SLC12A3: variants seen among roughly 807,000 people sequenced by gnomAD.
The protein encoded by SLC12A3 is Na-Cl cotransporter.
SLC12A3 carries 104 observed loss-of-function variants against 121.0 expected under a neutral mutation model. That is an observed-to-expected ratio of 0.86 (90% CI 0.73 to 1.01). SLC12A3 has a LOEUF of 1.01. Ranked by LOEUF, SLC12A3 falls within the 50% of genes least tolerant of loss-of-function variation. SLC12A3 has a pLI of 0.00. For missense variants in SLC12A3, 1,328 were observed against 1,356.3 expected, an observed-to-expected ratio of 0.98 and a Z score of 0.33; for synonymous variants, 536 against 533.4, an observed-to-expected ratio of 1.00 and a Z score of -0.07.
chr16:56,870,465 C>T (rs1271189359), intron 5 of SLC12A3, among the ~76,000 whole-genome samples, 161 bp from the exon 6 acceptor site: 2 of 152,258 alleles, frequency 1.3e-5, no homozygotes, highest in Admixed American at 1.3e-4. Context: ...TGTCCAGGCC[C>T]GTGCAGCAGC....
At position 56,899,610 on chromosome 16, in the gene SLC12A3, C is replaced by T; in HGVS notation, c.2714C>T (p.Ala905Val). 1 of 1,612,976 alleles carries T rather than the reference C, an allele frequency of 6.2e-7. No individual in the cohort carries two copies. The highest frequency in any genetic ancestry group is 1.3e-5 in the African/African-American group (1 of 75,032). Residue 905 changes from alanine to valine, a missense_variant, in exon 23 of 26, where the codon GCT (alanine) becomes GTT (valine). By Grantham distance (64) the Ala-to-Val change is moderately conservative. Transcript: ENST00000563236. ...CCTGACATCAACCAGAACCCTCGGG[C>T]TGAGCAGTAAGTTCTGTTTTGGGGC... ...ILPDINQNPR[A>V]EHTKRFEDMI...
At position 56,865,457 on chromosome 16, in the gene SLC12A3, C is replaced by A; in HGVS notation, c.222C>A (p.Thr74=). 3 of 1,614,094 alleles carry A rather than the reference C, an allele frequency of 1.9e-6. No individual in the cohort carries two copies. The highest frequency in any genetic ancestry group is 2.5e-6 in the Non-Finnish European group (3 of 1,180,044). ...VPTYEHYANS[T]QPGEPRKVRP... is the part of the protein sequence containing the mutation. ...CATATGAGCACTATGCCAACAGCAC[C>A]CAGCCTGGTGAGCCCCGGAAGGTCC... The change falls in exon 1 of 26, where the codon ACC becomes ACA. Residue 74 remains threonine (T), a synonymous_variant. Coordinates refer to ENST00000563236, the MANE Select transcript of SLC12A3 (RefSeq NM_001126108.2).
chr16:56,889,650 G>A lies in SLC12A3; in HGVS notation c.2286-624G>A, dbSNP rs114016951. ...CACCACGCCCGGCTAATTTTTGTACGTTTTAGTAGAAATGGGGTTTTGCCA... is the reference window on the plus strand; with the variant it reads ...CACCACGCCCGGCTAATTTTTGTACATTTTAGTAGAAATGGGGTTTTGCCA... On this transcript the variant is annotated intron_variant, in intron 18 of 25. Transcript: ENST00000563236. 3.5e-3 allele frequency among the ~76,000 whole-genome samples: 526 copies of A among 152,178 alleles called. 2 individuals are homozygous for A. Among genetic ancestry groups the A allele is most frequent in the African/African-American group, 0.012 (509 of 41,528 alleles).
At chr16:56,882,566 G>C (rs1402451767) in intron 13 of SLC12A3, 69 bp downstream of exon 13, 1 of 1,191,886 alleles carries the variant, frequency 8.4e-7, no homozygotes, top group Non-Finnish European at 1.3e-6. Flanking sequence ...GCATGGGGTG[G>C]GAGTGGGAGG....
At chr16:56,893,172 T>G (rs974425727) in intron 21 of SLC12A3, 118 bp downstream of exon 21, 1 of 833,912 alleles carries the variant, frequency 1.2e-6, no homozygotes, top group East Asian at 2.7e-5. Context: ...GGCCCAGCAG[T>G]GAGCTCAGGG....
rs778409388 is a variant in SLC12A3, at chr16:56,880,153, C to T, written c.1467C>T (p.Tyr489=). Residue 489 remains tyrosine (Y), a synonymous_variant, in exon 12 of 26, where the codon TAC becomes TAT. Coordinates refer to ENST00000563236, the MANE Select transcript of SLC12A3 (RefSeq NM_001126108.2). The stretch of plus-strand genomic sequence containing the variant: ...AGTGCCTTTGCGAGGACCAGCTGTA[C>T]CCACTGATCGGCTTCTTCGGCAAAG... The part of the protein sequence containing the change: ...VFQCLCEDQL[Y]PLIGFFGKGY... The T allele has an allele frequency of 1.1e-5, 17 of 1,607,386 alleles. No homozygotes were observed. Among genetic ancestry groups the T allele is most frequent in the Non-Finnish European group, 1.3e-5 (15 of 1,177,874 alleles).
intron 3 of SLC12A3, among the ~76,000 whole-genome samples, chr16:56,869,194 G>A (rs573498408): frequency 1.3e-5 from 2 of 152,318 alleles, no homozygotes; most frequent in East Asian, 3.9e-4. Flanking sequence ...GGCTCCCAGA[G>A]GTGATCACGG....
chr16:56,889,740 G>T (rs1456019506), intron 18 of SLC12A3, among the ~76,000 whole-genome samples: 2 of 152,194 alleles, frequency 1.3e-5, no homozygotes, highest in African/African-American at 2.4e-5. Flanking sequence ...CTCCCAAAGT[G>T]CTGGGATTAC....
Position 56,890,336 on chromosome 16 carries a change from C to T in SLC12A3, c.2348C>T (p.Ser783Phe), listed in dbSNP as rs1224071511. The T allele has an allele frequency of 3.1e-6, 5 of 1,613,944 alleles. No individual in the cohort carries two copies. The African/African-American group carries it at 5.3e-5, about 17-fold the overall frequency. Residue 783 changes from serine (S) to phenylalanine (F), a missense_variant, in exon 19 of 26, where the codon TCC (serine) becomes TTC (phenylalanine). Physicochemically the swap from Ser to Phe is radical, Grantham distance 155 (BLOSUM62 -2). Transcript: ENST00000563236. ...VMRMREGLNVSKMMQAHINPV... is the reference protein window; with the variant it reads ...VMRMREGLNVFKMMQAHINPV... ...AGGATGCGGGAGGGACTCAACGTGT[C>T]CAAGATGATGCAGGCGCACAGTGAG...
At position 56,913,441 on chromosome 16, in the gene SLC12A3, T is replaced by C. The variant is rs2055714037; in HGVS notation, c.*36T>C. The C allele has an allele frequency of 6.2e-7, 1 of 1,610,280 alleles. No individual in the cohort carries two copies. ...TGACATCCCTGTCCACAGCTCTGAG[T>C]GTGTGGGATAAGTTGGAACTTGATT... On this transcript the variant is annotated 3_prime_UTR_variant, in exon 26 of 26. Transcript: ENST00000563236.
In SLC12A3 at chr16:56,867,184, C is replaced by A. The variant is rs769822027; in HGVS notation, c.397C>A (p.Pro133Thr). The A allele has an allele frequency of 1.9e-5, 31 of 1,613,276 alleles. No homozygotes were observed. The highest frequency in any genetic ancestry group is 2.5e-5 in the Non-Finnish European group (30 of 1,179,812). The change falls in exon 2 of 26, where the codon CCA becomes ACA. Residue 133 changes from proline (P) to threonine (T), a missense_variant. Coordinates refer to ENST00000563236, the MANE Select transcript of SLC12A3 (RefSeq NM_001126108.2). The stretch of plus-strand genomic sequence containing the variant: ...CAGCAGCGAGAAGAACCCCGAGGAG[C>A]CAGTGCGCTTCGGCTGGGTCAAGGG... ...GTSSEKNPEEPVRFGWVKGVM... is the reference protein window; with the variant it reads ...GTSSEKNPEETVRFGWVKGVM...
At position 56,878,170 on chromosome 16, in the gene SLC12A3, C is replaced by T. The variant is rs2055191050; in HGVS notation, c.1180+9C>T. 1 of 1,606,120 alleles carries T rather than the reference C, an allele frequency of 6.2e-7. No homozygotes were observed. The highest frequency in any genetic ancestry group is 8.5e-7 in the Non-Finnish European group (1 of 1,175,120). On this transcript the variant is annotated intron_variant, in intron 9 of 25. Coordinates refer to ENST00000563236, the MANE Select transcript of SLC12A3 (RefSeq NM_001126108.2). ...CATCTCAGCCACCATTGGTAAGTGG[C>T]CGGCCCAGCCAGTCAGGAGGGGGAG...
chr16:56,869,331 A>G (rs1338041977), intron 3 of SLC12A3, among the ~76,000 whole-genome samples: 2 of 151,926 alleles, frequency 1.3e-5, no homozygotes, highest in Non-Finnish European at 2.9e-5. Flanking sequence ...GTAGACAGAG[A>G]CCCATTTTTT....
At chr16:56,878,253 G>T (rs2144709527) in intron 9 of SLC12A3, 92 bp downstream of exon 9, 2 of 987,042 alleles carry the variant, frequency 2.0e-6, no homozygotes, top group South Asian at 1.3e-5. Flanking sequence ...GGGATCAGAG[G>T]GTGGGGTTCG....
chr16:56,912,679 C>T (rs1441812220), intron 25 of SLC12A3, among the ~76,000 whole-genome samples: 1 of 152,192 alleles, frequency 6.6e-6, no homozygotes, highest in Non-Finnish European at 1.5e-5. Context: ...GCAGATCTGG[C>T]CTCCTTGTGA....
chr16:56,914,395 A>C lies in SLC12A3; in HGVS notation c.*990A>C, dbSNP rs2055727657. On this transcript the variant is annotated 3_prime_UTR_variant, in exon 26 of 26. Transcript: ENST00000563236. ...AACGACCAAAACAAAAATGTCACAA[A>C]ACAATACTTACCCTTCCCTGGGGGA... is the stretch of plus-strand genomic sequence containing the variant. The C allele has an allele frequency of 6.6e-6, 1 of 152,252 alleles. No individual in the cohort carries two copies. Among genetic ancestry groups the C allele is most frequent in the African/African-American group, 2.4e-5 (1 of 41,466 alleles). 9.4% of individuals were successfully genotyped at this position (152,252 alleles called of 1,614,324 possible).
At chr16:56,895,184 A>G (rs1464440912) in intron 22 of SLC12A3, among the ~76,000 whole-genome samples, 1 of 134,168 alleles carries the variant, frequency 7.5e-6, no homozygotes, top group Non-Finnish European at 1.6e-5. Context: ...AAATTTTTAT[A>G]TATTTTAATT....
chr16:56,913,143 TGG>T, intron 25 of SLC12A3, 119 bp from the exon 26 acceptor site: 1 of 1,276,652 alleles, frequency 7.8e-7, no homozygotes, highest in Non-Finnish European at 1.1e-6. Flanking sequence ...ATTCTTAGGG[TGG>T]GTGGAAGGAG....
chr16:56,868,920 C>T (rs965405798), intron 3 of SLC12A3, among the ~76,000 whole-genome samples: 1 of 151,514 alleles, frequency 6.6e-6, no homozygotes, highest in Non-Finnish European at 1.5e-5. Flanking sequence ...TGCAGTGAGC[C>T]GAGATCACGC....
Sources: gnomAD v4.1 joint callset for allele counts (sites outside exome capture counted in the v4.1 genomes callset) on GRCh38, gnomAD v4.1.1 for gene constraint, MANE v1.5 for transcripts, NCBI Gene and HGNC (gene_info 2026-07-23, HGNC 2026-07-21) for gene names.